TFDP2: variants seen among roughly 807,000 people sequenced by gnomAD.
TFDP2 encodes the protein transcription factor Dp-2 (E2F dimerization partner 2).
TFDP2 carries 17 observed loss-of-function variants against 59.3 expected under a neutral mutation model. The observed-to-expected ratio is 0.29, with a 90% CI of 0.20 to 0.43. The LOEUF (loss-of-function observed/expected upper bound fraction) is 0.43, where lower values mean the gene tolerates loss of function less well. Among genes scored for constraint, TFDP2 ranks in the 20% least tolerant of loss-of-function variants. The pLI, the probability that TFDP2 is intolerant of heterozygous loss-of-function variation, is 1.00. For synonymous variants in TFDP2, 180 were observed against 194.7 expected (o/e 0.92, Z 0.63); for missense variants, 391 against 528.8 (o/e 0.74, Z 2.56).
In TFDP2 at chr3:142,088,599, GTCTTTTTTTTTT is replaced by G. The variant is rs768175191; in HGVS notation, c.82+4450_82+4461del. 4.1e-5 allele frequency among the ~76,000 whole-genome samples: 6 copies of G among 145,810 alleles called. No individual in the cohort carries two copies. In the East Asian group the frequency reaches 8.0e-4, roughly 19 times the overall value. ...TTATAGGTGTGAGCCACTGCGCCAG[GTCTTTTTTTTTT>G]TCTTTTTTTTTTTTTTTGAGACAGG... On this transcript the variant is annotated intron_variant, in intron 3 of 12. Transcript: ENST00000489671.
intron 3 of TFDP2, among the ~76,000 whole-genome samples, chr3:142,021,975 C>A (rs1162343696): frequency 6.6e-6 from 1 of 152,088 alleles, no homozygotes; most frequent in Non-Finnish European, 1.5e-5. Flanking sequence ...CTTTTGAAAT[C>A]TTTTTTCTGT....
At chr3:142,032,334 G>C (rs529501210) in intron 3 of TFDP2, among the ~76,000 whole-genome samples, 10 of 152,180 alleles carry the variant, frequency 6.6e-5, no homozygotes, top group African/African-American at 2.4e-4. Context: ...CTAGGCTCAA[G>C]TGATCCTCCT....
chr3:142,025,180 GGTA>G, intron 3 of TFDP2, among the ~76,000 whole-genome samples: 2 of 152,186 alleles, frequency 1.3e-5, no homozygotes, highest in African/African-American at 4.8e-5. Flanking sequence ...CCAATTTCCA[GGTA>G]ACAAACTTGA....
At chr3:141,969,794 T>C (rs1180714413) in intron 9 of TFDP2, among the ~76,000 whole-genome samples, 2 of 151,984 alleles carry the variant, frequency 1.3e-5, no homozygotes, top group Admixed American at 1.3e-4. Flanking sequence ...CCCCTGACAG[T>C]TTATGTTTAG....
intron 1 of TFDP2, among the ~76,000 whole-genome samples, chr3:142,128,109 G>A (rs1329044407): frequency 2.0e-5 from 3 of 152,108 alleles, no homozygotes; most frequent in Non-Finnish European, 4.4e-5. Flanking sequence ...GGAGGCTGAG[G>A]TGGGACGACT....
At chr3:142,038,383 C>CAAAA (rs1184364752) in intron 3 of TFDP2, among the ~76,000 whole-genome samples, 984 of 41,394 alleles carry the variant, frequency 0.024, 73 homozygotes, top group African/African-American at 0.1. Context: ...GACTCCATCT[C>CAAAA]AAAAAAAAAA....
chr3:142,031,922 A>C (rs1946448614), intron 3 of TFDP2, among the ~76,000 whole-genome samples: 2 of 109,422 alleles, frequency 1.8e-5, no homozygotes, highest in Admixed American at 1.1e-4. Flanking sequence ...CTGTACTTAC[A>C]TTTTCAAGTA....
intron 3 of TFDP2, among the ~76,000 whole-genome samples, chr3:142,068,318 A>G (rs2060137514): frequency 6.6e-6 from 1 of 152,156 alleles, no homozygotes; most frequent in African/African-American, 2.4e-5. Context: ...CAAAACTATA[A>G]AACTCCTAGA....
chr3:142,046,760 C>A (rs925975563), intron 3 of TFDP2, among the ~76,000 whole-genome samples: 1 of 152,144 alleles, frequency 6.6e-6, no homozygotes, highest in African/African-American at 2.4e-5. Flanking sequence ...TGTTGCCTGG[C>A]ACATTTTAAT....
chr3:142,042,737 C>CTTTTT (rs1162932187), intron 3 of TFDP2, among the ~76,000 whole-genome samples: 2 of 75,162 alleles, frequency 2.7e-5, no homozygotes, highest in African/African-American at 1.2e-4. Context: ...TGCCTGGACG[C>CTTTTT]TTTTTTTTTT....
intron 10 of TFDP2, among the ~76,000 whole-genome samples, chr3:141,962,507 C>T (rs371388208): frequency 1.1e-4 from 16 of 151,956 alleles, no homozygotes; most frequent in African/African-American, 3.6e-4. Context: ...TACAGGCGTG[C>T]GCCACCAAGC....
intron 2 of TFDP2, 75 bp from the exon 3 acceptor site, chr3:142,093,202 C>T: frequency 1.1e-6 from 1 of 934,198 alleles, no homozygotes; most frequent in Non-Finnish European, 1.6e-6. Flanking sequence ...TATTTTATAT[C>T]TTCCATCAGA....
intron 3 of TFDP2, among the ~76,000 whole-genome samples, chr3:142,021,548 TAGA>T (rs1272165597): frequency 1.3e-5 from 2 of 152,220 alleles, no homozygotes. Flanking sequence ...ATACTTTCCC[TAGA>T]AGATCAAACC....
At chr3:142,070,487 C>A (rs1480520281) in intron 3 of TFDP2, among the ~76,000 whole-genome samples, 1 of 152,078 alleles carries the variant, frequency 6.6e-6, no homozygotes, top group Non-Finnish European at 1.5e-5. Context: ...CCCTGTGCTG[C>A]CCAAGCTGGT....
chr3:142,019,397 G>T (rs916796564), intron 3 of TFDP2, among the ~76,000 whole-genome samples: 3 of 152,094 alleles, frequency 2.0e-5, no homozygotes, highest in African/African-American at 7.2e-5. Context: ...AGTCAATTTT[G>T]TAACTTTTTA....
At chr3:141,988,177 C>G (rs896334145) in intron 6 of TFDP2, among the ~76,000 whole-genome samples, 2 of 152,132 alleles carry the variant, frequency 1.3e-5, no homozygotes, top group African/African-American at 2.4e-5. Context: ...AATTCTTGGG[C>G]GCAAGAGAAT....
rs541811673 is a variant in TFDP2 at position 141,966,494 on chromosome 3, G to C, written c.733-2531C>G. Among the ~76,000 whole-genome samples, 119 of 151,792 alleles carry C rather than the reference G, an allele frequency of 7.8e-4. 3 individuals are homozygous for C. Among genetic ancestry groups the C allele is most frequent in the African/African-American group, 2.8e-3 (115 of 41,218 alleles). ...TCATAATAATGTTTTTTTTAACACTGTCACAAATTTCATATACCATATAAT... is the reference window on the plus strand; with the variant it reads ...TCATAATAATGTTTTTTTTAACACTCTCACAAATTTCATATACCATATAAT... On this transcript the variant is annotated intron_variant, in intron 9 of 12. Transcript: ENST00000489671.
At chr3:142,094,073 T>C (rs980071751) in intron 2 of TFDP2, 4 of 275,310 alleles carry the variant, frequency 1.5e-5, no homozygotes, top group African/African-American at 9.0e-5. Flanking sequence ...CAGAGCTGAA[T>C]ACAGGAATAT....
At chr3:142,119,045 C>T (rs1291726758) in intron 1 of TFDP2, among the ~76,000 whole-genome samples, 1 of 152,084 alleles carries the variant, frequency 6.6e-6, no homozygotes. Flanking sequence ...CCTGTAATCC[C>T]AGCTACCTGG....
Sources: allele counts gnomAD v4.1 joint callset (sites outside exome capture counted in the v4.1 genomes callset), GRCh38; gene constraint gnomAD v4.1.1; transcripts MANE v1.5; gene names NCBI Gene and HGNC (gene_info 2026-07-23, HGNC 2026-07-21).